NAV3: variants seen among roughly 807,000 people sequenced by gnomAD.
NAV3 encodes the protein pore membrane and/or filament interacting like protein 1.
Under a neutral mutation model 244.7 loss-of-function variants are expected in NAV3, and 87 were observed. The ratio of observed to expected loss-of-function variants is 0.36; its 90% CI spans 0.30 to 0.42. The LOEUF is 0.42. Ranked by LOEUF, NAV3 falls within the 20% of genes least tolerant of loss-of-function variation. The pLI is 1.00. For synonymous variants in NAV3, 1,126 were observed against 1,042.2 expected, an observed-to-expected ratio of 1.08 and a Z score of -1.55; for missense variants, 2,663 against 2,893.3, an observed-to-expected ratio of 0.92 and a Z score of 1.83.
intron 29 of NAV3, among the ~76,000 whole-genome samples, 157 bp downstream of exon 29, chr12:78,179,839 A>G (rs189314517): frequency 6.6e-6 from 1 of 152,282 alleles, no homozygotes; most frequent in African/African-American, 2.4e-5. Context: ...TTAGTACTGA[A>G]TTGAGAATTT....
At chr12:77,652,249 C>A (rs952032403) in intron 2 of NAV3, among the ~76,000 whole-genome samples, 1 of 151,978 alleles carries the variant, frequency 6.6e-6, no homozygotes, top group African/African-American at 2.4e-5. Flanking sequence ...GTTTAAATAC[C>A]CCGCCCAAGG....
intron 2 of NAV3, among the ~76,000 whole-genome samples, chr12:77,771,526 A>G (rs960186416): frequency 7.2e-5 from 11 of 152,198 alleles, no homozygotes; most frequent in African/African-American, 2.4e-4. Context: ...AATGTCCCAC[A>G]ATGATAGACT....
chr12:78,054,771 G>A (rs1883238438), intron 11 of NAV3, among the ~76,000 whole-genome samples: 1 of 152,122 alleles, frequency 6.6e-6, no homozygotes, highest in Admixed American at 6.6e-5. Flanking sequence ...ATGGAAAATA[G>A]TACCGTTAGA....
intron 1 of NAV3, among the ~76,000 whole-genome samples, chr12:77,900,557 C>CACATGCACACGCGTATGTGT (rs1415288500): frequency 1.3e-5 from 2 of 151,316 alleles, no homozygotes; most frequent in African/African-American, 4.8e-5. Context: ...ATGGCGTGTG[C>CACATGCACACGCGTATGTGT]ACATGCACAC....
At chr12:78,164,468 T>G (rs1252564085) in intron 23 of NAV3, among the ~76,000 whole-genome samples, 1 of 152,048 alleles carries the variant, frequency 6.6e-6, no homozygotes, top group Non-Finnish European at 1.5e-5. Context: ...AACTAAAAAT[T>G]TAGTTGAATA....
intron 2 of NAV3, among the ~76,000 whole-genome samples, chr12:77,668,599 A>G (rs1393319076): frequency 6.6e-6 from 1 of 152,154 alleles, no homozygotes; most frequent in Non-Finnish European, 1.5e-5. Flanking sequence ...AAAAAAGAAT[A>G]AAGAATAATA....
intron 2 of NAV3, among the ~76,000 whole-genome samples, chr12:77,724,311 A>G (rs1005914325): frequency 9.2e-5 from 14 of 152,000 alleles, no homozygotes; most frequent in African/African-American, 2.7e-4. Flanking sequence ...AAATGTTAAA[A>G]AACTTTCATT....
At chr12:77,859,752 C>G (rs1454976523) in intron 1 of NAV3, among the ~76,000 whole-genome samples, 1 of 15,082 alleles carries the variant, frequency 6.6e-5, no homozygotes, top group Middle Eastern at 0.062. Flanking sequence ...CCCATGCTTT[C>G]AAATGCAAAA....
intron 2 of NAV3, among the ~76,000 whole-genome samples, chr12:77,664,966 C>T (rs1873649237): frequency 6.6e-6 from 1 of 152,150 alleles, no homozygotes; most frequent in Non-Finnish European, 1.5e-5. Flanking sequence ...GCTGGAGTTG[C>T]AGTGGCTATT....
chr12:78,194,424 A>G (rs186401231), intron 34 of NAV3, among the ~76,000 whole-genome samples: 2 of 152,030 alleles, frequency 1.3e-5, no homozygotes, highest in Non-Finnish European at 2.9e-5. Context: ...TGGAACATAG[A>G]ATATCTTTTC....
intron 1 of NAV3, among the ~76,000 whole-genome samples, chr12:77,898,145 A>G (rs1243676408): frequency 6.6e-6 from 1 of 152,234 alleles, no homozygotes; most frequent in Non-Finnish European, 1.5e-5. Flanking sequence ...ACACTTGAAC[A>G]AACACTAGAT....
intron 2 of NAV3, among the ~76,000 whole-genome samples, chr12:77,723,755 C>CTTTTTTTTTTTTTTTTT (rs34518266): frequency 5.9e-5 from 4 of 67,650 alleles, no homozygotes; most frequent in Non-Finnish European, 7.8e-5. Context: ...GCAATCTTGA[C>CTTTTTTTTTTTTTTTTT]TTTTTTTTTT....
At chr12:77,584,706 A>G (rs1049976658) in intron 2 of NAV3, among the ~76,000 whole-genome samples, 3 of 152,198 alleles carry the variant, frequency 2.0e-5, no homozygotes, top group Admixed American at 1.3e-4. Flanking sequence ...CATCCATGAT[A>G]TTTTATAGGC....
chr12:78,084,748 T>C (rs1202772470), intron 12 of NAV3, among the ~76,000 whole-genome samples: 1 of 152,206 alleles, frequency 6.6e-6, no homozygotes, highest in Non-Finnish European at 1.5e-5. Flanking sequence ...ACTAAACTAA[T>C]CAATGACTTT....
rs552391085 is a variant in NAV3, at chr12:77,714,579, G to C, written c.72+142313G>C. Among the ~76,000 whole-genome samples, 7 of 152,172 alleles carry C rather than the reference G, an allele frequency of 4.6e-5. No homozygotes were observed. In the South Asian group the frequency reaches 1.4e-3, roughly 31 times the overall value. On this transcript the variant is annotated intron_variant, in intron 2 of 8. Transcript: ENST00000550042. Reference sequence around the variant, plus strand: ...AGAGATTTCTGTAATAGGACCTCTCGTAAAAGGCATGTGCCCATTAAATAT... The same window carrying C: ...AGAGATTTCTGTAATAGGACCTCTCCTAAAAGGCATGTGCCCATTAAATAT...
intron 2 of NAV3, among the ~76,000 whole-genome samples, chr12:77,751,976 T>C (rs1339359278): frequency 6.6e-6 from 1 of 152,208 alleles, no homozygotes; most frequent in Admixed American, 6.5e-5. Context: ...ATATTTCTCC[T>C]TTCCAAGAAT....
At chr12:77,663,473 A>C (rs906943082) in intron 2 of NAV3, among the ~76,000 whole-genome samples, 1 of 152,074 alleles carries the variant, frequency 6.6e-6, no homozygotes, top group Non-Finnish European at 1.5e-5. Flanking sequence ...TTCGACTATG[A>C]GTGAGGCTTA....
intron 16 of NAV3, among the ~76,000 whole-genome samples, chr12:78,125,704 C>A (rs1178260647): frequency 3.9e-5 from 6 of 152,238 alleles, no homozygotes; most frequent in Admixed American, 1.3e-4. Context: ...GAGTTTGCAA[C>A]CTTTGGTGAT....
At chr12:77,741,488 CAGTT>C (rs1868335880) in intron 2 of NAV3, among the ~76,000 whole-genome samples, 1 of 152,058 alleles carries the variant, frequency 6.6e-6, no homozygotes, top group African/African-American at 2.4e-5. Context: ...ATCTTGACAA[CAGTT>C]AGACCAGTTC....
Sources: gnomAD v4.1 joint callset for allele counts (sites outside exome capture counted in the v4.1 genomes callset) on GRCh38, gnomAD v4.1.1 for gene constraint, MANE v1.5 for transcripts, NCBI Gene and HGNC (gene_info 2026-07-23, HGNC 2026-07-21) for gene names.